STON1: variants seen among roughly 807,000 people sequenced by gnomAD.
STON1 encodes the protein stonin-1.
A neutral mutation model predicts 60.9 loss-of-function variants in STON1; 79 were observed. The observed-to-expected ratio is 1.30, with a 90% CI of 1.08 to 1.56. STON1 has a LOEUF of 1.56. Ranked by LOEUF, STON1 falls within the 40% of genes most tolerant of loss-of-function variation. The pLI is 0.00. For missense variants in STON1, 1,166 were observed against 858.9 expected (o/e 1.36, Z -4.47); for synonymous variants, 363 against 306.9 (o/e 1.18, Z -1.91).
intron 2 of STON1, among the ~76,000 whole-genome samples, chr2:48,587,465 G>A (rs779445525): frequency 2.2e-4 from 34 of 152,050 alleles, no homozygotes; most frequent in Admixed American, 2.6e-4. Flanking sequence ...GCTAATTTTC[G>A]TGTTTTTAGT....
intron 1 of STON1, among the ~76,000 whole-genome samples, chr2:48,579,157 C>A (rs986003531): frequency 6.6e-6 from 1 of 151,738 alleles, no homozygotes; most frequent in East Asian, 1.9e-4. Flanking sequence ...GTGTGTGCCA[C>A]CATGCCCAGC....
At chr2:48,561,847 G>C (rs1424370732) in intron 1 of STON1, among the ~76,000 whole-genome samples, 1 of 152,064 alleles carries the variant, frequency 6.6e-6, no homozygotes, top group Non-Finnish European at 1.5e-5. Flanking sequence ...CATGTATGAA[G>C]TTCCCACATT....
intron 1 of STON1, among the ~76,000 whole-genome samples, chr2:48,564,718 T>TTCTTCTTCCTTATTTC (rs1474797771): frequency 2.2e-5 from 3 of 138,932 alleles, no homozygotes; most frequent in African/African-American, 7.9e-5. Flanking sequence ...TTATTTCTTC[T>TTCTTCTTCCTTATTTC]TTCTTTCTTT....
intron 1 of STON1, among the ~76,000 whole-genome samples, chr2:48,567,384 G>A (rs1572957428): frequency 6.6e-6 from 1 of 152,266 alleles, no homozygotes; most frequent in South Asian, 2.1e-4. Context: ...TTAGAACGAA[G>A]CCTTTTACAG....
rs1266947487 is a variant in STON1 at position 48,580,806 on chromosome 2, G to A, written c.173G>A (p.Ser58Asn). The part of the protein sequence containing the change: ...REFPSGSSST[S>N]STPLSSPIVD... Reference sequence around the variant, plus strand: ...TTTCCCAGTGGATCTTCCTCCACCAGCAGCACTCCTCTCTCCTCCCCCATT... The same window carrying A: ...TTTCCCAGTGGATCTTCCTCCACCAACAGCACTCCTCTCTCCTCCCCCATT... The change falls in exon 2 of 4, where the codon AGC becomes AAC. Residue 58 changes from serine to asparagine, a missense_variant. Transcript: ENST00000404752. 4.5e-6 allele frequency: 7 copies of A among 1,551,900 alleles called. No homozygotes were observed. In the African/African-American group the frequency reaches 6.9e-5, roughly 15 times the overall value.
At chr2:48,563,219 T>C (rs1233271379) in intron 1 of STON1, among the ~76,000 whole-genome samples, 1 of 152,156 alleles carries the variant, frequency 6.6e-6, no homozygotes, top group Non-Finnish European at 1.5e-5. Context: ...CTGGGGCCTA[T>C]GGGTGGGAGG....
At chr2:48,567,860 C>G (rs1297264375) in intron 1 of STON1, among the ~76,000 whole-genome samples, 4 of 145,076 alleles carry the variant, frequency 2.8e-5, no homozygotes, top group Middle Eastern at 6.8e-3. Context: ...TCCAATCATA[C>G]AAAAACAGAC....
chr2:48,578,549 T>TCTCCTCCTTCTCCTCCTC (rs1553362667), intron 1 of STON1, among the ~76,000 whole-genome samples: 1 of 140,882 alleles, frequency 7.1e-6, no homozygotes, highest in East Asian at 2.1e-4. Flanking sequence ...TTCTCCTCCT[T>TCTCCTCCTTCTCCTCCTC]CTCCTCCTTC....
intron 1 of STON1, among the ~76,000 whole-genome samples, chr2:48,576,190 T>TTG (rs1673488459): frequency 8.5e-6 from 1 of 117,188 alleles, no homozygotes; most frequent in East Asian, 2.5e-4. Context: ...CCTTTCTTTT[T>TTG]TTTTTTTTTT....
intron 1 of STON1, among the ~76,000 whole-genome samples, chr2:48,567,033 C>G (rs1200167048): frequency 6.6e-6 from 1 of 151,954 alleles, no homozygotes; most frequent in East Asian, 1.9e-4. Flanking sequence ...AAAGTTGGCA[C>G]CCAAGTTTAT....
At chr2:48,546,490 C>A (rs1454309909) in intron 1 of STON1, among the ~76,000 whole-genome samples, 1 of 152,178 alleles carries the variant, frequency 6.6e-6, no homozygotes, top group Non-Finnish European at 1.5e-5. Context: ...CATCTTTGTC[C>A]CCCCATCACA....
chr2:48,543,706 A>G (rs911521149), intron 1 of STON1, among the ~76,000 whole-genome samples: 19 of 151,476 alleles, frequency 1.3e-4, no homozygotes, highest in African/African-American at 3.9e-4. Flanking sequence ...TAATGTTTGT[A>G]TTTTTAGTAG....
At chr2:48,580,099 G>A (rs1188484473) in intron 1 of STON1, among the ~76,000 whole-genome samples, 1 of 152,044 alleles carries the variant, frequency 6.6e-6, no homozygotes, top group African/African-American at 2.4e-5. Flanking sequence ...GTAGAGACAG[G>A]GTTTTGCTAT....
At position 48,564,644 on chromosome 2, in the gene STON1, C is replaced by T. The variant is rs1329493552; in HGVS notation, c.-47-15943C>T. Among the ~76,000 whole-genome samples the T allele has an allele frequency of 1.0e-4, 12 of 117,014 alleles. 1 individual carries two copies. The highest frequency in any genetic ancestry group is 6.0e-4 in the Admixed American group (7 of 11,632). The allele number at this position is 117,014 out of a possible 152,430, so 76.8% of individuals were successfully genotyped here. A position where few individuals can be genotyped will look rare whatever the true frequency, so the allele number is the denominator to read the frequency against. On this transcript the variant is annotated intron_variant, in intron 1 of 3. Transcript: ENST00000404752. The stretch of plus-strand genomic sequence containing the variant: ...TCCTTCTCCTTCTCTTTCTCCTTCT[C>T]CTTCTTCTTCTTCTTTCTTATTTCT...
Position 48,575,655 on chromosome 2 carries a change from A to AAAAT in STON1, c.-47-4903_-47-4900dup, listed in dbSNP as rs74495343. Among the ~76,000 whole-genome samples the AAAAT allele has an allele frequency of 6.3e-3, 935 of 148,872 alleles. 1 individual carries two copies. Among genetic ancestry groups the AAAAT allele is most frequent in the Middle Eastern group, 0.017 (5 of 292 alleles). On this transcript the variant is annotated intron_variant, in intron 1 of 3. Coordinates refer to ENST00000404752, the MANE Select transcript of STON1 (RefSeq NM_006873.4). ...GCAACAAGAGCAAAACTCCGTCTCA[A>AAAAT]AAATAAATAAATAAATAAATAAATA...
intron 1 of STON1, among the ~76,000 whole-genome samples, chr2:48,546,191 T>C (rs1397338774): frequency 6.6e-6 from 1 of 152,230 alleles, no homozygotes; most frequent in African/African-American, 2.4e-5. Flanking sequence ...TTATTGTCTC[T>C]TTTAAGTCTT....
At chr2:48,555,520 A>C (rs750566982) in intron 1 of STON1, among the ~76,000 whole-genome samples, 4,199 of 27,248 alleles carry the variant, frequency 0.15, 3 homozygotes, top group Admixed American at 0.18. Flanking sequence ...CACCTCCCTC[A>C]CGGACGAGGC....
At chr2:48,589,000 G>T (rs966262085) in intron 2 of STON1, among the ~76,000 whole-genome samples, 1 of 152,188 alleles carries the variant, frequency 6.6e-6, no homozygotes, top group Admixed American at 6.5e-5. Flanking sequence ...GAGAAAGACA[G>T]CTGAAGACAA....
At chr2:48,541,701 A>C (rs1671660985) in intron 1 of STON1, among the ~76,000 whole-genome samples, 1 of 23,074 alleles carries the variant, frequency 4.3e-5, no homozygotes. Context: ...CTTCGTCTCA[A>C]AAAAAAAAAA....
Sources: gnomAD v4.1 joint callset for allele counts (sites outside exome capture counted in the v4.1 genomes callset) on GRCh38, gnomAD v4.1.1 for gene constraint, MANE v1.5 for transcripts, NCBI Gene and HGNC (gene_info 2026-07-23, HGNC 2026-07-21) for gene names.